FNDC3B: variants seen among roughly 807,000 people sequenced by gnomAD.
The protein encoded by FNDC3B is fibronectin type III domain-containing protein 3B.
FNDC3B carries 12 observed loss-of-function variants against 151.5 expected under a neutral mutation model. The ratio of observed to expected loss-of-function variants is 0.08; its 90% CI spans 0.05 to 0.13. The LOEUF is 0.13. FNDC3B is among the 10% of genes least tolerant of loss of function. FNDC3B has a pLI of 1.00. For synonymous variants in FNDC3B, 528 were observed against 549.0 expected (o/e 0.96, Z 0.54); for missense variants, 1,214 against 1,505.3 (o/e 0.81, Z 3.20).
chr3:172,147,049 T>G (rs1372021745), intron 3 of FNDC3B, among the ~76,000 whole-genome samples: 1 of 152,140 alleles, frequency 6.6e-6, no homozygotes, highest in Non-Finnish European at 1.5e-5. Flanking sequence ...GCCTCACGCC[T>G]GTAATCAGCA....
chr3:172,151,465 A>G (rs1188383732), intron 3 of FNDC3B, among the ~76,000 whole-genome samples: 1 of 151,306 alleles, frequency 6.6e-6, no homozygotes, highest in African/African-American at 2.4e-5. Context: ...CACTCCCCCA[A>G]CCTCTTTTTT....
At chr3:172,256,114 A>G (rs1188619653) in intron 6 of FNDC3B, among the ~76,000 whole-genome samples, 1 of 152,224 alleles carries the variant, frequency 6.6e-6, no homozygotes, top group African/African-American at 2.4e-5. Flanking sequence ...ACTGCATGAT[A>G]TGACACATAC....
chr3:172,051,006 A>G (rs1384283658), intron 1 of FNDC3B, among the ~76,000 whole-genome samples: 1 of 152,002 alleles, frequency 6.6e-6, no homozygotes. Flanking sequence ...TCAAAAGAAA[A>G]TGATCTCCCC....
intron 2 of FNDC3B, among the ~76,000 whole-genome samples, chr3:172,115,891 G>A (rs1450138472): frequency 6.6e-6 from 1 of 152,164 alleles, no homozygotes; most frequent in African/African-American, 2.4e-5. Flanking sequence ...TTCTATATAT[G>A]CAAAAGAACT....
intron 6 of FNDC3B, among the ~76,000 whole-genome samples, chr3:172,276,235 C>T (rs1729424389): frequency 6.6e-6 from 1 of 152,112 alleles, no homozygotes; most frequent in Non-Finnish European, 1.5e-5. Context: ...ACTGTTTGGC[C>T]ATCTAATCTT....
chr3:172,322,591 A>AT (rs1269447909), intron 11 of FNDC3B, among the ~76,000 whole-genome samples: 3 of 152,130 alleles, frequency 2.0e-5, no homozygotes, highest in Non-Finnish European at 2.9e-5. Flanking sequence ...ATTAACAAAT[A>AT]TTTTTTTCTT....
At chr3:172,103,724 A>G (rs1420142638) in intron 1 of FNDC3B, among the ~76,000 whole-genome samples, 10 of 152,186 alleles carry the variant, frequency 6.6e-5, no homozygotes, top group African/African-American at 2.2e-4. Flanking sequence ...AATGCTCCCG[A>G]CTAAATCTTT....
chr3:172,197,629 G>A (rs1306926270), intron 3 of FNDC3B, among the ~76,000 whole-genome samples: 2 of 152,188 alleles, frequency 1.3e-5, no homozygotes, highest in Non-Finnish European at 2.9e-5. Context: ...TTTGAGAGTG[G>A]CACAATAATG....
chr3:172,045,550 A>G (rs1054716347), intron 1 of FNDC3B, among the ~76,000 whole-genome samples: 1 of 152,242 alleles, frequency 6.6e-6, no homozygotes, highest in African/African-American at 2.4e-5. Context: ...AATGGAAAAG[A>G]ATCGTATTTT....
At chr3:172,334,885 A>G in intron 14 of FNDC3B, 59 bp from the exon 15 acceptor site, 3 of 1,532,850 alleles carry the variant, frequency 2.0e-6, no homozygotes, top group Non-Finnish European at 2.7e-6. Context: ...AAAAGTGACC[A>G]TTAATTTAAT....
At chr3:172,045,884 G>A (rs1716345317) in intron 1 of FNDC3B, among the ~76,000 whole-genome samples, 1 of 151,906 alleles carries the variant, frequency 6.6e-6, no homozygotes, top group Non-Finnish European at 1.5e-5. Context: ...GAATTATTGT[G>A]GCTAGATAGG....
chr3:172,071,509 G>A (rs1309094996), intron 1 of FNDC3B, among the ~76,000 whole-genome samples: 1 of 152,080 alleles, frequency 6.6e-6, no homozygotes, highest in Admixed American at 6.5e-5. Flanking sequence ...GTTTATATGT[G>A]TATATAGTCC....
intron 3 of FNDC3B, among the ~76,000 whole-genome samples, chr3:172,147,891 T>A (rs1454496015): frequency 6.6e-6 from 1 of 152,040 alleles, no homozygotes; most frequent in Non-Finnish European, 1.5e-5. Flanking sequence ...GGGAAAAAAA[T>A]TCCATCTAGA....
chr3:172,100,687 G>A (rs899757573), intron 1 of FNDC3B, among the ~76,000 whole-genome samples: 7 of 151,590 alleles, frequency 4.6e-5, no homozygotes, highest in Admixed American at 2.0e-4. Context: ...TTTCTGTTTC[G>A]GTCTCTTCTG....
At chr3:172,049,443 C>A (rs1716528502) in intron 1 of FNDC3B, among the ~76,000 whole-genome samples, 1 of 152,160 alleles carries the variant, frequency 6.6e-6, no homozygotes, top group Non-Finnish European at 1.5e-5. Flanking sequence ...GATAATCTAT[C>A]CTGAATAGCA....
At position 172,040,642 on chromosome 3, in the gene FNDC3B, A is replaced by G. The variant is rs1715988961; in HGVS notation, c.-29+871A>G. On this transcript the variant is annotated intron_variant, in intron 1 of 25. Transcript: ENST00000415807. The surrounding 1 kb of genome is among the most constrained non-coding windows in gnomAD (Gnocchi z 6.6). Reference sequence around the variant, plus strand: ...GAGCTCCGGTCAGTCGGTCACCCCGAGGGGCGCCTCGGCCGGGGATAGGGC... The same window carrying G: ...GAGCTCCGGTCAGTCGGTCACCCCGGGGGGCGCCTCGGCCGGGGATAGGGC... The G allele has an allele frequency of 6.7e-6, 1 of 148,852 alleles. No homozygotes were observed. The highest frequency in any genetic ancestry group is 2.5e-5 in the African/African-American group (1 of 40,438). 9.2% of individuals were successfully genotyped at this position (148,852 alleles called of 1,614,324 possible).
chr3:172,347,575 A>G (rs1286879431), intron 21 of FNDC3B, among the ~76,000 whole-genome samples: 2 of 152,200 alleles, frequency 1.3e-5, no homozygotes, highest in Admixed American at 6.5e-5. Context: ...ACAAAATAAG[A>G]TTCTTCTCCA....
At chr3:172,317,578 G>A (rs184907626) in intron 11 of FNDC3B, among the ~76,000 whole-genome samples, 20 of 152,264 alleles carry the variant, frequency 1.3e-4, no homozygotes, top group African/African-American at 2.2e-4. Context: ...GTAATTTAAC[G>A]CCTTAGCCTC....
chr3:172,350,351 G>C (rs912422988), intron 21 of FNDC3B, among the ~76,000 whole-genome samples: 12 of 152,174 alleles, frequency 7.9e-5, no homozygotes, highest in African/African-American at 2.9e-4. Context: ...TTTGAACTAA[G>C]CTTCAACTCT....
Sources: allele counts gnomAD v4.1 joint callset (sites outside exome capture counted in the v4.1 genomes callset), GRCh38; gene constraint gnomAD v4.1.1; non-coding constraint Gnocchi (gnomAD v3.1); transcripts MANE v1.5; gene names NCBI Gene and HGNC (gene_info 2026-07-23, HGNC 2026-07-21).